PCSK1: variants seen among roughly 807,000 people sequenced by gnomAD.
PCSK1 encodes neuroendocrine convertase 1.
In PCSK1, 56 loss-of-function variants were observed where a neutral mutation model predicts 90.6. The observed-to-expected ratio is 0.62, with a 90% CI of 0.50 to 0.77. PCSK1 has a LOEUF of 0.77. Among genes scored for constraint, PCSK1 ranks in the 30% least tolerant of loss-of-function variants. PCSK1 has a pLI of 0.00. For missense variants in PCSK1, 801 were observed against 932.6 expected (o/e 0.86, Z 1.84); for synonymous variants, 348 against 342.4 (o/e 1.02, Z -0.18).
intron 12 of PCSK1, among the ~76,000 whole-genome samples, chr5:96,396,468 G>A (rs1223940293): frequency 1.3e-5 from 2 of 151,672 alleles, no homozygotes; most frequent in Non-Finnish European, 2.9e-5. Context: ...GGCTGAGGCA[G>A]GAGAAGCGCT....
chr5:96,430,498 A>G (rs1045353237), intron 1 of PCSK1, among the ~76,000 whole-genome samples: 3 of 152,216 alleles, frequency 2.0e-5, no homozygotes, highest in African/African-American at 4.8e-5. Context: ...GCAGCCGCAG[A>G]AAAAGATCAC....
chr5:96,422,108 T>C (rs1030680031), intron 4 of PCSK1, 152 bp from the exon 5 acceptor site: 43 of 650,430 alleles, frequency 6.6e-5, no homozygotes, highest in Non-Finnish European at 1.1e-4. Context: ...GCCGAGTCAC[T>C]GAATATTTAT....
intron 1 of PCSK1, among the ~76,000 whole-genome samples, chr5:96,431,032 C>T (rs969400776): frequency 8.5e-5 from 13 of 152,256 alleles, no homozygotes; most frequent in Admixed American, 3.3e-4. Flanking sequence ...TCCCCAGTCT[C>T]CTCCTACACG....
rs1015193631 is a variant in PCSK1 at position 96,414,753 on chromosome 5, A to G, written c.709+1280T>C. On this transcript the variant is annotated intron_variant, in intron 6 of 13. Transcript: ENST00000311106. ...ACAAACTATAGCTGTTTCGTTCATT[A>G]TGACTAAAAGAGTGAATTCTTTTAC... is the stretch of plus-strand genomic sequence containing the variant. 3.3e-5 allele frequency among the ~76,000 whole-genome samples: 5 copies of G among 152,336 alleles called. No homozygotes were observed. In the East Asian group the frequency reaches 7.7e-4, roughly 23 times the overall value.
rs1031347862 is a variant in PCSK1, at chr5:96,392,379, C to A, written c.*622G>T. 6.5e-6 allele frequency: 1 copy of A among 152,978 alleles called. No individual in the cohort carries two copies. Among genetic ancestry groups the A allele is most frequent in the Admixed American group, 6.5e-5 (1 of 15,368 alleles). 9.5% of individuals were successfully genotyped at this position (152,978 alleles called of 1,614,324 possible). A position where few individuals can be genotyped will look rare whatever the true frequency, so the allele number is the denominator to read the frequency against. On this transcript the variant is annotated 3_prime_UTR_variant, in exon 14 of 14. Transcript: ENST00000311106. ...CCAGGCAAAGAATGTTCGAAAATTGCTCAAACCAGAGCATTCAGATTTCAA... is the reference window on the plus strand; with the variant it reads ...CCAGGCAAAGAATGTTCGAAAATTGATCAAACCAGAGCATTCAGATTTCAA...
rs533368381 is a variant in PCSK1, at chr5:96,400,949, C to T, written c.1197-763G>A. Among the ~76,000 whole-genome samples the T allele has an allele frequency of 5.4e-3, 812 of 150,310 alleles. 6 individuals carry two copies. The highest frequency in any genetic ancestry group is 0.019 in the African/African-American group (765 of 40,932). ...AAAAATACAAAAAATTAGCCGGGCG[C>T]GGTGGCGGGCGCCTGTAGTCCCAGC... is the stretch of plus-strand genomic sequence containing the variant. On this transcript the variant is annotated intron_variant, in intron 9 of 13. Coordinates refer to ENST00000311106, the MANE Select transcript of PCSK1 (RefSeq NM_000439.5).
At chr5:96,414,434 T>C (rs1381180323) in intron 6 of PCSK1, among the ~76,000 whole-genome samples, 1 of 152,200 alleles carries the variant, frequency 6.6e-6, no homozygotes, top group African/African-American at 2.4e-5. Flanking sequence ...AGCTTGAAAC[T>C]GGGGAGCCAG....
At chr5:96,404,847 A>G (rs529804050) in intron 9 of PCSK1, among the ~76,000 whole-genome samples, 2 of 152,318 alleles carry the variant, frequency 1.3e-5, no homozygotes, top group African/African-American at 4.8e-5. Context: ...TCTATGTCAT[A>G]AGAATGTTGT....
At position 96,424,035 on chromosome 5, in the gene PCSK1, G is replaced by T. The variant is rs1310149366; in HGVS notation, c.397-576C>A. ...AAGTGTCTGTGAGAGGAGATTCAGG[G>T]TTTTCCTTTTAAAATACATTTTCTG... On this transcript the variant is annotated intron_variant, in intron 3 of 13. Coordinates refer to ENST00000311106, the MANE Select transcript of PCSK1 (RefSeq NM_000439.5). 3.9e-5 allele frequency among the ~76,000 whole-genome samples: 6 copies of T among 152,144 alleles called. No homozygotes were observed. The East Asian group carries it at 9.6e-4, about 24-fold the overall frequency.
At chr5:96,432,110 T>A (rs1761522190) in intron 1 of PCSK1, 6 of 1,535,420 alleles carry the variant, frequency 3.9e-6, no homozygotes, top group East Asian at 4.9e-5. Flanking sequence ...AAGAAATAGA[T>A]CCCTTCCCCA....
intron 3 of PCSK1, among the ~76,000 whole-genome samples, chr5:96,425,053 A>AAAGT (rs1761259156): frequency 7.9e-6 from 1 of 127,124 alleles, no homozygotes; most frequent in Non-Finnish European, 1.7e-5. Context: ...AGAAAGAAAG[A>AAAGT]AAGAAAGAAA....
chr5:96,419,311 A>G (rs1207791654), intron 5 of PCSK1, among the ~76,000 whole-genome samples: 1 of 132,542 alleles, frequency 7.5e-6, no homozygotes, highest in Non-Finnish European at 1.5e-5. Flanking sequence ...ATTAAGTGAG[A>G]TATATATATA....
Position 96,391,460 on chromosome 5 carries a change from A to G in PCSK1, c.*1541T>C, listed in dbSNP as rs1759934555. 6.6e-6 allele frequency: 1 copy of G among 152,256 alleles called. No homozygotes were observed. The allele number at this position is 152,256 out of a possible 1,614,324, so 9.4% of individuals were successfully genotyped here. A position where few individuals can be genotyped will look rare whatever the true frequency, so the allele number is the denominator to read the frequency against. ...AGAGAAGGAAGCCAGAAGGTTAGTA[A>G]TAAATGAATTAGTATTAGTGATCAT... On this transcript the variant is annotated 3_prime_UTR_variant, in exon 14 of 14. Coordinates refer to ENST00000311106, the MANE Select transcript of PCSK1 (RefSeq NM_000439.5).
At position 96,433,188 on chromosome 5, in the gene PCSK1, C is replaced by G. The variant is rs547688434; in HGVS notation, c.-146G>C. ...TTGCTCTGCGAAGAGCTAGGAGGCG[C>G]GAGAGGAGAGGCTGGGCGGCGGCGA... On this transcript the variant is annotated 5_prime_UTR_variant, in exon 1 of 14. Coordinates refer to ENST00000311106, the MANE Select transcript of PCSK1 (RefSeq NM_000439.5). 16 of 775,054 alleles carry G rather than the reference C, an allele frequency of 2.1e-5. No individual in the cohort carries two copies. 48.0% of individuals were successfully genotyped at this position (775,054 alleles called of 1,614,324 possible).
chr5:96,420,998 T>G (rs1194204055), intron 5 of PCSK1, among the ~76,000 whole-genome samples: 1 of 152,228 alleles, frequency 6.6e-6, no homozygotes, highest in Non-Finnish European at 1.5e-5. Context: ...AAGTCTCTTC[T>G]GTGTAGAGAA....
intron 1 of PCSK1, among the ~76,000 whole-genome samples, chr5:96,430,369 T>A (rs1193287311): frequency 2.0e-5 from 3 of 152,250 alleles, no homozygotes; most frequent in Non-Finnish European, 4.4e-5. Context: ...ACGTGTTCTT[T>A]AAATTGGTGA....
intron 6 of PCSK1, among the ~76,000 whole-genome samples, chr5:96,414,205 C>A (rs1760871390): frequency 6.6e-6 from 1 of 151,848 alleles, no homozygotes; most frequent in Non-Finnish European, 1.5e-5. Context: ...GCCAGTTAAC[C>A]CTCTGTGCCT....
At chr5:96,409,803 G>A (rs1304887803) in intron 8 of PCSK1, among the ~76,000 whole-genome samples, 5 of 152,234 alleles carry the variant, frequency 3.3e-5, no homozygotes, top group Non-Finnish European at 7.3e-5. Context: ...AGTAGCTGAA[G>A]AGATGCGCGT....
intron 5 of PCSK1, among the ~76,000 whole-genome samples, chr5:96,418,612 A>G (rs1761009110): frequency 6.6e-6 from 1 of 152,254 alleles, no homozygotes; most frequent in Admixed American, 6.5e-5. Context: ...GATAGTTTGA[A>G]GAGATAATAA....
Sources: allele counts gnomAD v4.1 joint callset (sites outside exome capture counted in the v4.1 genomes callset), GRCh38; gene constraint gnomAD v4.1.1; transcripts MANE v1.5; gene names NCBI Gene and HGNC (gene_info 2026-07-23, HGNC 2026-07-21).